The following CTNNA3 variants were observed in gnomAD, a reference collection of about 807,000 sequenced individuals.
CTNNA3 encodes catenin alpha-3.
Under a neutral mutation model 95.7 loss-of-function variants are expected in CTNNA3, and 76 were observed. The observed-to-expected ratio is 0.79, with a 90% CI of 0.66 to 0.96. The LOEUF is 0.96. Ranked by LOEUF, CTNNA3 falls within the 40% of genes least tolerant of loss-of-function variation. The pLI is 0.00. For missense variants in CTNNA3, 1,191 were observed against 1,089.8 expected (o/e 1.09, Z -1.31); for synonymous variants, 431 against 374.4 (o/e 1.15, Z -1.74).
intron 7 of CTNNA3, among the ~76,000 whole-genome samples, chr10:66,990,145 A>C (rs976492893): frequency 1.3e-5 from 2 of 152,174 alleles, no homozygotes; most frequent in African/African-American, 4.8e-5. Flanking sequence ...TTAAGCTGTT[A>C]TGAGATTCCT....
rs1856777617 is a variant in CTNNA3, at chr10:67,076,938, TCTC to T, written c.1047+103376_1047+103378del. On this transcript the variant is annotated intron_variant, in intron 7 of 17. Transcript: ENST00000433211. The stretch of plus-strand genomic sequence containing the variant: ...ACATCTCCATTGGACTATGTCAAAA[TCTC>T]CTCGTCTTTATCACGTCTAACACCA... Among the ~76,000 whole-genome samples, 5 of 152,204 alleles carry T rather than the reference TCTC, an allele frequency of 3.3e-5. No individual in the cohort carries two copies. In the South Asian group the frequency reaches 1.0e-3, roughly 31 times the overall value.
intron 7 of CTNNA3, among the ~76,000 whole-genome samples, chr10:66,826,183 T>C (rs1589298716): frequency 6.6e-6 from 1 of 152,194 alleles, no homozygotes; most frequent in East Asian, 1.9e-4. Context: ...CTTACGAAAA[T>C]TGTACCCATT....
chr10:66,709,664 T>A (rs929830330), intron 9 of CTNNA3, among the ~76,000 whole-genome samples: 2 of 152,148 alleles, frequency 1.3e-5, no homozygotes, highest in Admixed American at 1.3e-4. Context: ...AAAGTTGGTG[T>A]TGTTTATTAC....
chr10:65,940,792 C>A (rs1225902222), intron 17 of CTNNA3, among the ~76,000 whole-genome samples: 1 of 152,116 alleles, frequency 6.6e-6, no homozygotes, highest in South Asian at 2.1e-4. Context: ...ACTTGCAATG[C>A]CATTCACAAA....
At chr10:66,147,815 C>T (rs10822732) in intron 13 of CTNNA3, among the ~76,000 whole-genome samples, 124,224 of 148,926 alleles carry the variant, frequency 0.83, 51,283 homozygotes, top group South Asian at 0.92. Flanking sequence ...GTATAGTATG[C>T]TATGTTTATA....
intron 3 of CTNNA3, among the ~76,000 whole-genome samples, chr10:67,545,138 GTA>G (rs754031116): frequency 5.9e-5 from 9 of 152,096 alleles, no homozygotes; most frequent in Non-Finnish European, 1.3e-4. Context: ...TGTTACATAT[GTA>G]TATATGTGCC....
chr10:67,063,386 GC>G (rs942329976), intron 7 of CTNNA3, among the ~76,000 whole-genome samples: 4 of 152,152 alleles, frequency 2.6e-5, no homozygotes, highest in African/African-American at 9.7e-5. Flanking sequence ...AAAAATATAT[GC>G]CTTTAAAAAG....
chr10:66,281,656 G>A (rs1221845780), intron 12 of CTNNA3, among the ~76,000 whole-genome samples: 2 of 151,828 alleles, frequency 1.3e-5, no homozygotes, highest in African/African-American at 4.8e-5. Flanking sequence ...TATAAACCTG[G>A]AAGATAGAAA....
chr10:66,416,632 A>G (rs1044206944), intron 11 of CTNNA3, among the ~76,000 whole-genome samples: 3 of 151,978 alleles, frequency 2.0e-5, no homozygotes, highest in Non-Finnish European at 4.4e-5. Flanking sequence ...TAGAAACCTT[A>G]TAGGCCAGGA....
intron 7 of CTNNA3, among the ~76,000 whole-genome samples, chr10:66,879,767 T>C (rs1844773912): frequency 6.6e-6 from 1 of 151,902 alleles, no homozygotes; most frequent in Non-Finnish European, 1.5e-5. Context: ...AGAGTGAAAA[T>C]TATGATGCAG....
intron 3 of CTNNA3, among the ~76,000 whole-genome samples, chr10:67,601,866 T>C (rs1011486931): frequency 6.6e-6 from 1 of 152,164 alleles, no homozygotes; most frequent in Non-Finnish European, 1.5e-5. Context: ...CCTTTCACCG[T>C]CTCTCCTTTA....
chr10:67,719,518 T>C (rs1484317577), intron 1 of CTNNA3, among the ~76,000 whole-genome samples: 1 of 152,218 alleles, frequency 6.6e-6, no homozygotes, highest in Non-Finnish European at 1.5e-5. Flanking sequence ...CTTATTGGTT[T>C]CAAAGAACTT....
intron 11 of CTNNA3, among the ~76,000 whole-genome samples, chr10:66,482,910 A>G (rs1388086255): frequency 2.6e-5 from 4 of 152,168 alleles, no homozygotes; most frequent in Non-Finnish European, 5.9e-5. Flanking sequence ...GGCCTGGTCC[A>G]GGGGTTGTTT....
In CTNNA3 at chr10:66,677,892, G is replaced by A. The variant is rs1398117690; in HGVS notation, c.1282-56108C>T. The stretch of plus-strand genomic sequence containing the variant: ...CATTGTAATGGACTGACCAGAACTG[G>A]ACCATAGGTCAAACTTTGAGTAACA... On this transcript the variant is annotated intron_variant, in intron 9 of 17. Coordinates refer to ENST00000433211, the MANE Select transcript of CTNNA3 (RefSeq NM_013266.4). 2.9e-5 allele frequency among the ~76,000 whole-genome samples: 4 copies of A among 136,778 alleles called. No homozygotes were observed. The East Asian group carries it at 8.3e-4, about 28-fold the overall frequency. The allele number at this position is 136,778 out of a possible 152,430, so 89.7% of individuals were successfully genotyped here. A position where few individuals can be genotyped will look rare whatever the true frequency, so the allele number is the denominator to read the frequency against.
rs1301359513 is a variant in CTNNA3, at chr10:66,415,749, C to CA, written c.1532-36398dup. 9.9e-5 allele frequency among the ~76,000 whole-genome samples: 15 copies of CA among 151,692 alleles called. No homozygotes were observed. The South Asian group carries it at 2.3e-3, about 23-fold the overall frequency. On this transcript the variant is annotated intron_variant, in intron 11 of 17. Coordinates refer to ENST00000433211, the MANE Select transcript of CTNNA3 (RefSeq NM_013266.4). ...AGATATCACTGGCACTGTTTGTAGC[C>CA]AAAAAAATCAAGGGAGACTACACTA...
intron 5 of CTNNA3, among the ~76,000 whole-genome samples, chr10:67,289,914 C>T (rs1476672867): frequency 6.6e-6 from 1 of 151,944 alleles, no homozygotes; most frequent in Non-Finnish European, 1.5e-5. Flanking sequence ...ATCTTCCCAC[C>T]TCAGCCTCCC....
Position 66,379,301 on chromosome 10 carries a change from T to G in CTNNA3, c.1583A>C (p.Gln528Pro), listed in dbSNP as rs1455857081. Residue 528 changes from glutamine to proline, a missense_variant, in exon 12 of 18, where the codon CAG becomes CCG. Gln to Pro is a moderately conservative substitution (Grantham distance 76). Coordinates refer to ENST00000433211, the MANE Select transcript of CTNNA3 (RefSeq NM_013266.4). ...VNKCIIALRD[Q>P]DADNLDRAAG... ...AGCACGGTCTAAATTATCAGCATCC[T>G]GGTCTCTTAAGGCTATGATACACTT... 6.2e-7 allele frequency: 1 copy of G among 1,614,148 alleles called. No individual in the cohort carries two copies. The highest frequency in any genetic ancestry group is 1.7e-5 in the Admixed American group (1 of 60,012).
intron 13 of CTNNA3, among the ~76,000 whole-genome samples, chr10:66,133,616 C>T (rs1286525871): frequency 2.7e-5 from 4 of 150,098 alleles, no homozygotes; most frequent in African/African-American, 4.9e-5. Context: ...GTCGATGAAG[C>T]GGGATTAGCC....
At chr10:66,933,751 T>C (rs1238963059) in intron 7 of CTNNA3, among the ~76,000 whole-genome samples, 2 of 152,174 alleles carry the variant, frequency 1.3e-5, no homozygotes, top group Non-Finnish European at 2.9e-5. Context: ...GGGACTTCCT[T>C]TTATATGTCA....
Sources: allele counts gnomAD v4.1 joint callset (sites outside exome capture counted in the v4.1 genomes callset), GRCh38; gene constraint gnomAD v4.1.1; transcripts MANE v1.5; gene names NCBI Gene and HGNC (gene_info 2026-07-23, HGNC 2026-07-21).